Variants in PRKN observed in about 807,000 individuals in gnomAD.
PRKN encodes the protein parkin RBR E3 ubiquitin protein ligase.
In PRKN, 56 loss-of-function variants were observed where a neutral mutation model predicts 59.5. The observed-to-expected ratio is 0.94, with a 90% CI of 0.76 to 1.18. The LOEUF (loss-of-function observed/expected upper bound fraction) is 1.18, where lower values mean the gene tolerates loss of function less well. Ranked by LOEUF, PRKN falls within the 50% of genes most tolerant of loss-of-function variation. The pLI is 0.00. For synonymous variants in PRKN, 250 were observed against 222.1 expected (o/e 1.13, Z -1.12); for missense variants, 657 against 596.4 (o/e 1.10, Z -1.06).
intron 9 of PRKN, among the ~76,000 whole-genome samples, chr6:161,441,952 C>T (rs1248405831): frequency 6.6e-6 from 1 of 152,126 alleles, no homozygotes; most frequent in African/African-American, 2.4e-5. Flanking sequence ...TAAAGCTGGC[C>T]CTGCCTCATG....
At position 161,419,033 on chromosome 6, in the gene PRKN, G is replaced by C. The variant is rs1164285673; in HGVS notation, c.1084-32156C>G. On this transcript the variant is annotated intron_variant, in intron 9 of 11. Transcript: ENST00000366898. This position sits in a 1 kb window ranked among gnomAD's most constrained non-coding sequence, Gnocchi z 4.1. ...CAGTAAAGCGAGTCTCTGAAAATAC[G>C]TTGGATGTAAACACATCGTTTACAT... Among the ~76,000 whole-genome samples the C allele has an allele frequency of 1.3e-5, 2 of 152,196 alleles. No homozygotes were observed. Among genetic ancestry groups the C allele is most frequent in the Non-Finnish European group, 2.9e-5 (2 of 68,046 alleles).
chr6:162,527,684 G>T (rs1778343695), intron 1 of PRKN, among the ~76,000 whole-genome samples: 1 of 152,114 alleles, frequency 6.6e-6, no homozygotes, highest in Non-Finnish European at 1.5e-5. Flanking sequence ...TTTAACAAAG[G>T]CTCAGTACAT....
intron 1 of PRKN, among the ~76,000 whole-genome samples, chr6:162,480,954 C>T (rs927550731): frequency 6.6e-6 from 1 of 151,660 alleles, no homozygotes; most frequent in Non-Finnish European, 1.5e-5. Context: ...TACAGGTGTG[C>T]ACCACCAAGC....
intron 7 of PRKN, among the ~76,000 whole-genome samples, chr6:161,632,093 A>T (rs1471419929): frequency 6.6e-6 from 1 of 152,254 alleles, no homozygotes; most frequent in Non-Finnish European, 1.5e-5. Context: ...GTCAGAGAGC[A>T]GCTCCTGTTT....
intron 1 of PRKN, among the ~76,000 whole-genome samples, chr6:162,475,294 A>C (rs759103029): frequency 6.6e-6 from 1 of 152,256 alleles, no homozygotes; most frequent in East Asian, 1.9e-4. Context: ...ATTGGGTATA[A>C]GGACATCTAA....
intron 6 of PRKN, among the ~76,000 whole-genome samples, chr6:161,927,804 A>T (rs1426115352): frequency 6.6e-6 from 1 of 152,158 alleles, no homozygotes; most frequent in Admixed American, 6.5e-5. Context: ...AAAAATAAAC[A>T]GTACCATAGT....
intron 9 of PRKN, among the ~76,000 whole-genome samples, chr6:161,426,713 T>C (rs1256577565): frequency 6.9e-6 from 1 of 145,046 alleles, no homozygotes; most frequent in East Asian, 2.0e-4. Flanking sequence ...AACCCTAATA[T>C]AGTTATTTAT....
At chr6:162,677,466 GAAAA>G (rs10712151) in intron 1 of PRKN, among the ~76,000 whole-genome samples, 969 of 91,400 alleles carry the variant, frequency 0.011, 8 homozygotes, top group Non-Finnish European at 0.016. Context: ...GCACTGTGGA[GAAAA>G]AAAAAAAAAA....
At chr6:162,177,201 A>G (rs920230009) in intron 4 of PRKN, among the ~76,000 whole-genome samples, 4 of 152,200 alleles carry the variant, frequency 2.6e-5, no homozygotes, top group African/African-American at 7.2e-5. Flanking sequence ...GCAGCAGAGC[A>G]TAGAATATTA....
chr6:162,277,078 G>C (rs934276615), intron 2 of PRKN, among the ~76,000 whole-genome samples: 2 of 152,114 alleles, frequency 1.3e-5, no homozygotes, highest in African/African-American at 4.8e-5. Context: ...AATAAATATG[G>C]CAAGAACTGT....
chr6:162,288,405 G>A (rs1286397243), intron 2 of PRKN, among the ~76,000 whole-genome samples: 1 of 152,092 alleles, frequency 6.6e-6, no homozygotes, highest in Non-Finnish European at 1.5e-5. Flanking sequence ...GGAGAGGGGG[G>A]TTTTCAGATA....
At chr6:162,457,695 G>A (rs1454843714) in intron 1 of PRKN, among the ~76,000 whole-genome samples, 1 of 152,156 alleles carries the variant, frequency 6.6e-6, no homozygotes, top group Non-Finnish European at 1.5e-5. Flanking sequence ...AAACTCTGGG[G>A]CTCACACTGT....
chr6:161,630,700 T>A (rs1485175490), intron 7 of PRKN, among the ~76,000 whole-genome samples: 1 of 152,028 alleles, frequency 6.6e-6, no homozygotes, highest in African/African-American at 2.4e-5. Flanking sequence ...TCTCTTGTCA[T>A]CATCATCATC....
At chr6:161,954,373 G>A (rs1168150104) in intron 6 of PRKN, among the ~76,000 whole-genome samples, 3 of 152,124 alleles carry the variant, frequency 2.0e-5, no homozygotes, top group Non-Finnish European at 2.9e-5. Context: ...CACTGATGCC[G>A]CCACAGTGAG....
chr6:161,563,090 A>G (rs1195970784), intron 8 of PRKN, among the ~76,000 whole-genome samples: 9 of 151,816 alleles, frequency 5.9e-5, no homozygotes, highest in Non-Finnish European at 1.5e-5. Context: ...TCTGCTTGGG[A>G]TGCTCTTCTG....
chr6:162,348,580 A>G (rs985779950), intron 2 of PRKN, among the ~76,000 whole-genome samples: 1 of 152,208 alleles, frequency 6.6e-6, no homozygotes, highest in African/African-American at 2.4e-5. Flanking sequence ...TCAATTATAT[A>G]AAACAGGGAT....
At chr6:162,012,437 T>C (rs1782767346) in intron 5 of PRKN, among the ~76,000 whole-genome samples, 1 of 151,882 alleles carries the variant, frequency 6.6e-6, no homozygotes, top group Non-Finnish European at 1.5e-5. Context: ...ATAATGTACA[T>C]TATTATATAT....
intron 6 of PRKN, among the ~76,000 whole-genome samples, chr6:161,867,584 T>C (rs1010481276): frequency 3.9e-5 from 6 of 152,202 alleles, no homozygotes; most frequent in African/African-American, 7.2e-5. Context: ...AAAAAGGTGG[T>C]AATGATGATG....
intron 7 of PRKN, among the ~76,000 whole-genome samples, chr6:161,670,151 G>A (rs1408352987): frequency 1.3e-5 from 2 of 152,166 alleles, no homozygotes; most frequent in Admixed American, 1.3e-4. Context: ...ACAATAGAGT[G>A]GCTTCAAAGA....
Sources: gnomAD v4.1 joint callset for allele counts (sites outside exome capture counted in the v4.1 genomes callset) on GRCh38, gnomAD v4.1.1 for gene constraint, Gnocchi (gnomAD v3.1) non-coding constraint, MANE v1.5 for transcripts, NCBI Gene and HGNC (gene_info 2026-07-23, HGNC 2026-07-21) for gene names.